PRKAG2: variants seen among roughly 807,000 people sequenced by gnomAD.
PRKAG2 encodes protein kinase AMP-activated non-catalytic subunit gamma 2.
Under a neutral mutation model 69.6 loss-of-function variants are expected in PRKAG2, and 26 were observed. That is an observed-to-expected ratio of 0.37 (90% CI 0.27 to 0.52). The LOEUF (loss-of-function observed/expected upper bound fraction) is 0.52, where lower values mean the gene tolerates loss of function less well. PRKAG2 is among the 20% of genes least tolerant of loss of function. PRKAG2 has a pLI of 0.90. For synonymous variants in PRKAG2, 293 were observed against 285.0 expected (o/e 1.03, Z -0.28); for missense variants, 557 against 740.0 (o/e 0.75, Z 2.87).
intron 6 of PRKAG2, among the ~76,000 whole-genome samples, chr7:151,576,889 A>C (rs921392527): frequency 6.6e-6 from 1 of 152,252 alleles, no homozygotes; most frequent in Non-Finnish European, 1.5e-5. Flanking sequence ...AAATAATGGA[A>C]TTTATTAACA....
chr7:151,606,630 G>A (rs1196885937), intron 5 of PRKAG2, among the ~76,000 whole-genome samples: 2 of 152,060 alleles, frequency 1.3e-5, no homozygotes, highest in Non-Finnish European at 2.9e-5. Context: ...GACCAGCCTG[G>A]GCAACATGGT....
At chr7:151,689,541 A>T (rs1036362328) in intron 3 of PRKAG2, among the ~76,000 whole-genome samples, 6 of 152,328 alleles carry the variant, frequency 3.9e-5, no homozygotes, top group African/African-American at 1.4e-4. Flanking sequence ...AGCCACGTAC[A>T]GCGAAGCAGG....
chr7:151,815,248 T>C (rs2078607735), intron 1 of PRKAG2, among the ~76,000 whole-genome samples: 2 of 152,270 alleles, frequency 1.3e-5, no homozygotes, highest in South Asian at 4.2e-4. Context: ...TCTCTGCCTA[T>C]ATCAGCCATG....
chr7:151,644,434 A>G (rs1827237848), intron 4 of PRKAG2, among the ~76,000 whole-genome samples: 1 of 152,170 alleles, frequency 6.6e-6, no homozygotes, highest in Non-Finnish European at 1.5e-5. Context: ...ATATGGAATC[A>G]TACAGTATAT....
intron 14 of PRKAG2, among the ~76,000 whole-genome samples, chr7:151,563,691 T>C (rs1241012770): frequency 6.6e-6 from 1 of 152,228 alleles, no homozygotes; most frequent in Non-Finnish European, 1.5e-5. Context: ...GGGATCCTCC[T>C]TCCTCAGCTT....
chr7:151,590,891 C>T (rs549589463), intron 6 of PRKAG2, among the ~76,000 whole-genome samples: 4 of 152,320 alleles, frequency 2.6e-5, no homozygotes, highest in East Asian at 1.9e-4. Flanking sequence ...TGCACGCAGC[C>T]GGCAGTGGCT....
At position 151,590,760 on chromosome 7, in the gene PRKAG2, G is replaced by A. The variant is rs974343216; in HGVS notation, c.864+4585C>T. On this transcript the variant is annotated intron_variant, in intron 6 of 15. Transcript: ENST00000287878. ...TTGCCATTTCACAGCTGCAGAAACC[G>A]AAGAAGTATGTATGGGAATAGGTGC... is the stretch of plus-strand genomic sequence containing the variant. Among the ~76,000 whole-genome samples, 71 of 152,190 alleles carry A rather than the reference G, an allele frequency of 4.7e-4. 2 individuals carry two copies. Among genetic ancestry groups the A allele is most frequent in the Admixed American group, 1.0e-3 (16 of 15,280 alleles).
At chr7:151,657,922 C>T (rs186991763) in intron 4 of PRKAG2, among the ~76,000 whole-genome samples, 1 of 151,970 alleles carries the variant, frequency 6.6e-6, no homozygotes, top group African/African-American at 2.4e-5. Context: ...CTTTGGGAGG[C>T]CAAGGCGGGT....
At chr7:151,793,690 T>G (rs1038483568) in intron 1 of PRKAG2, among the ~76,000 whole-genome samples, 2 of 152,180 alleles carry the variant, frequency 1.3e-5, no homozygotes, top group African/African-American at 4.8e-5. Context: ...GGCAGGCCCC[T>G]CTGCTGGGAG....
chr7:151,827,960 G>A (rs181103395), intron 1 of PRKAG2, among the ~76,000 whole-genome samples: 58 of 152,132 alleles, frequency 3.8e-4, no homozygotes, highest in African/African-American at 1.2e-3. Flanking sequence ...CCATCATGTC[G>A]CTTCCTCTCC....
chr7:151,874,677 C>T (rs957168266), intron 1 of PRKAG2, among the ~76,000 whole-genome samples: 36 of 152,136 alleles, frequency 2.4e-4, no homozygotes, highest in Admixed American at 2.0e-4. Flanking sequence ...TCGAGCCCAG[C>T]TCATGTGGAC....
intron 3 of PRKAG2, among the ~76,000 whole-genome samples, chr7:151,696,137 C>T (rs572111146): frequency 8.7e-4 from 133 of 152,290 alleles, no homozygotes; most frequent in African/African-American, 3.1e-3. Context: ...GGAGCTCAGC[C>T]GGCCTTTGTT....
intron 5 of PRKAG2, among the ~76,000 whole-genome samples, chr7:151,625,714 C>G (rs1822682209): frequency 6.6e-6 from 1 of 152,022 alleles, no homozygotes; most frequent in Non-Finnish European, 1.5e-5. Context: ...GTTAAAACAG[C>G]TGGGAGGATG....
intron 1 of PRKAG2, among the ~76,000 whole-genome samples, chr7:151,791,490 A>C (rs1266534767): frequency 6.6e-6 from 1 of 152,184 alleles, no homozygotes; most frequent in Non-Finnish European, 1.5e-5. Flanking sequence ...CTGGGAGGAC[A>C]TTTAGGGGGC....
intron 1 of PRKAG2, among the ~76,000 whole-genome samples, chr7:151,867,490 G>A (rs1431945451): frequency 6.6e-6 from 1 of 152,146 alleles, no homozygotes; most frequent in African/African-American, 2.4e-5. Context: ...CTTCTTGCCT[G>A]TGCCTCTGGA....
At position 151,576,405 on chromosome 7, in the gene PRKAG2, C is replaced by T. The variant is rs145029525; in HGVS notation, c.912G>A (p.Ala304=). ...FALVANGVRA[A]PLWESKKQSF... is the part of the protein sequence containing the mutation. ...TTTGTTTTTTACTCTCCCACAGTGG[C>T]GCTGCTCGGACACCGTTGGCTACCA... Residue 304 remains alanine, a synonymous_variant, in exon 7 of 16, where the codon GCG becomes GCA. Transcript: ENST00000287878. 224 of 1,611,658 alleles carry T rather than the reference C, an allele frequency of 1.4e-4. No individual in the cohort carries two copies. Among genetic ancestry groups the T allele is most frequent in the Non-Finnish European group, 1.7e-4 (206 of 1,177,906 alleles).
At chr7:151,869,589 G>A (rs2080164783) in intron 1 of PRKAG2, among the ~76,000 whole-genome samples, 1 of 152,252 alleles carries the variant, frequency 6.6e-6, no homozygotes, top group Non-Finnish European at 1.5e-5. Flanking sequence ...ATTCCCCCAT[G>A]TGAGCTGCTC....
At chr7:151,874,278 T>C (rs796802281) in intron 1 of PRKAG2, among the ~76,000 whole-genome samples, 1 of 86,248 alleles carries the variant, frequency 1.2e-5, no homozygotes, top group East Asian at 2.7e-4. Flanking sequence ...ATGTATATGA[T>C]ATATATGTAT....
chr7:151,777,950 G>A lies in PRKAG2; in HGVS notation c.466+3202C>T, dbSNP rs2076469121. On this transcript the variant is annotated intron_variant, in intron 3 of 15. Coordinates refer to ENST00000287878, the MANE Select transcript of PRKAG2 (RefSeq NM_016203.4). The surrounding 1 kb of genome is among the most constrained non-coding windows in gnomAD (Gnocchi z 4.3). ...GGGGTCATGGAGCCAGAGGTCACAA[G>A]ACTTGCAACTTCCCCAGTTGCTCCT... Among the ~76,000 whole-genome samples, 1 of 152,132 alleles carries A rather than the reference G, an allele frequency of 6.6e-6. No individual in the cohort carries two copies.
Sources: gnomAD v4.1 joint callset for allele counts (sites outside exome capture counted in the v4.1 genomes callset) on GRCh38, gnomAD v4.1.1 for gene constraint, Gnocchi (gnomAD v3.1) non-coding constraint, MANE v1.5 for transcripts, NCBI Gene and HGNC (gene_info 2026-07-23, HGNC 2026-07-21) for gene names.